Variants in TGFA observed in about 807,000 individuals in gnomAD.
TGFA encodes the protein transforming growth factor alpha.
TGFA carries 12 observed loss-of-function variants against 21.7 expected under a neutral mutation model. The observed-to-expected ratio is 0.55, with a 90% CI of 0.35 to 0.90. The LOEUF is 0.90. TGFA is among the 40% of genes least tolerant of loss of function. The pLI is 0.01. For missense variants in TGFA, 178 were observed against 210.8 expected (o/e 0.84, Z 0.96); for synonymous variants, 79 against 88.1 (o/e 0.90, Z 0.58).
chr2:70,536,647 A>G (rs551815666), intron 1 of TGFA, among the ~76,000 whole-genome samples: 118 of 152,384 alleles, frequency 7.7e-4, no homozygotes, highest in African/African-American at 2.7e-3. Context: ...ATTTTGAACT[A>G]AATGAAAAGA....
At chr2:70,526,428 A>G (rs1672637478) in intron 1 of TGFA, among the ~76,000 whole-genome samples, 2 of 152,136 alleles carry the variant, frequency 1.3e-5, no homozygotes, top group Non-Finnish European at 2.9e-5. Context: ...CCCCTAATGT[A>G]TCTCCCTCAG....
intron 3 of TGFA, among the ~76,000 whole-genome samples, chr2:70,460,493 A>C (rs1249779555): frequency 4.6e-5 from 7 of 152,082 alleles, no homozygotes; most frequent in African/African-American, 1.7e-4. Context: ...CTGCAAATGA[A>C]TCACACTTGA....
intron 5 of TGFA, among the ~76,000 whole-genome samples, chr2:70,451,097 G>GTGAA (rs1670041805): frequency 1.3e-5 from 2 of 151,740 alleles, no homozygotes; most frequent in Middle Eastern, 3.2e-3. Context: ...GAGTGAGTGA[G>GTGAA]TGAGTGATAG....
chr2:70,467,849 A>G (rs1349883230), intron 2 of TGFA, among the ~76,000 whole-genome samples: 1 of 152,238 alleles, frequency 6.6e-6, no homozygotes, highest in African/African-American at 2.4e-5. Flanking sequence ...CAGAGGCTAA[A>G]AATACAACAG....
Position 70,465,222 on chromosome 2 carries a change from G to A in TGFA, c.215+394C>T, listed in dbSNP as rs11466251. Reference sequence around the variant, plus strand: ...GATTGTGAAGATGCTAGAGGGCAGAGACCACATCTTAGAGACTTTGGCCAC... The same window carrying A: ...GATTGTGAAGATGCTAGAGGGCAGAAACCACATCTTAGAGACTTTGGCCAC... On this transcript the variant is annotated intron_variant, in intron 3 of 5. Coordinates refer to ENST00000295400, the MANE Select transcript of TGFA (RefSeq NM_003236.4). Among the ~76,000 whole-genome samples the A allele has an allele frequency of 9.5e-3, 1,445 of 152,322 alleles. 28 individuals are homozygous for A. The highest frequency in any genetic ancestry group is 0.033 in the African/African-American group (1,383 of 41,560).
intron 2 of TGFA, among the ~76,000 whole-genome samples, chr2:70,487,415 T>G (rs1671301246): frequency 6.6e-6 from 1 of 152,252 alleles, no homozygotes; most frequent in Non-Finnish European, 1.5e-5. Context: ...TGAGATATCC[T>G]GGGGATGGGA....
intron 2 of TGFA, among the ~76,000 whole-genome samples, chr2:70,491,193 G>A (rs782631021): frequency 1.3e-5 from 2 of 152,240 alleles, no homozygotes; most frequent in Non-Finnish European, 2.9e-5. Flanking sequence ...TGAGGACAAT[G>A]AGTGGAGGTT....
intron 2 of TGFA, among the ~76,000 whole-genome samples, chr2:70,510,414 G>A (rs1371893044): frequency 6.6e-6 from 1 of 152,142 alleles, no homozygotes; most frequent in Non-Finnish European, 1.5e-5. Flanking sequence ...CCCCACCCTG[G>A]CTCTCCAAGT....
chr2:70,516,572 T>C (rs1227287445), intron 1 of TGFA, among the ~76,000 whole-genome samples: 1 of 152,104 alleles, frequency 6.6e-6, no homozygotes, highest in Non-Finnish European at 1.5e-5. Context: ...AGTAAAATCA[T>C]GCATGTCTTC....
At chr2:70,482,189 T>A (rs1025488675) in intron 2 of TGFA, among the ~76,000 whole-genome samples, 4 of 152,166 alleles carry the variant, frequency 2.6e-5, no homozygotes, top group Non-Finnish European at 5.9e-5. Flanking sequence ...AAAACACATT[T>A]ACCAAATACG....
intron 1 of TGFA, among the ~76,000 whole-genome samples, chr2:70,527,836 T>C (rs1553503135): frequency 1.3e-5 from 2 of 152,236 alleles, no homozygotes; most frequent in Non-Finnish European, 2.9e-5. Flanking sequence ...GTTGGATGAC[T>C]TTACTCTGCA....
chr2:70,448,524 G>A lies in TGFA; in HGVS notation c.*2335C>T, dbSNP rs1669954198. 1 of 152,210 alleles carries A rather than the reference G, an allele frequency of 6.6e-6. No individual in the cohort carries two copies. The highest frequency in any genetic ancestry group is 1.5e-5 in the Non-Finnish European group (1 of 68,048). The allele number at this position is 152,210 out of a possible 1,614,324, so 9.4% of individuals were successfully genotyped here. Reference sequence around the variant, plus strand: ...AGATGCATTTTTAACTTGAAATGGAGTATTTTTGCAGCTAACCAAAGACTA... The same window carrying A: ...AGATGCATTTTTAACTTGAAATGGAATATTTTTGCAGCTAACCAAAGACTA... On this transcript the variant is annotated 3_prime_UTR_variant, in exon 6 of 6. Coordinates refer to ENST00000295400, the MANE Select transcript of TGFA (RefSeq NM_003236.4).
At chr2:70,511,103 T>G (rs544574565) in intron 2 of TGFA, among the ~76,000 whole-genome samples, 1 of 152,210 alleles carries the variant, frequency 6.6e-6, no homozygotes, top group Admixed American at 6.5e-5. Flanking sequence ...TCCATTAAAG[T>G]GTGTCGGCTT....
chr2:70,486,611 G>A (rs903578041), intron 2 of TGFA, among the ~76,000 whole-genome samples: 2 of 151,928 alleles, frequency 1.3e-5, no homozygotes, highest in Admixed American at 6.6e-5. Flanking sequence ...ACAGGTGCGC[G>A]CTACCACACC....
chr2:70,464,003 G>C (rs958320216), intron 3 of TGFA, among the ~76,000 whole-genome samples: 1 of 152,242 alleles, frequency 6.6e-6, no homozygotes, highest in Non-Finnish European at 1.5e-5. Context: ...GTGTTCCGAG[G>C]AGGAGGGTGG....
At chr2:70,526,534 C>G (rs1021456430) in intron 1 of TGFA, among the ~76,000 whole-genome samples, 1 of 152,138 alleles carries the variant, frequency 6.6e-6, no homozygotes, top group Non-Finnish European at 1.5e-5. Flanking sequence ...TTTATTGACT[C>G]GAGACAAACC....
intron 1 of TGFA, among the ~76,000 whole-genome samples, chr2:70,518,997 G>A (rs11466213): frequency 0.011 from 1,659 of 152,352 alleles, 36 homozygotes; most frequent in African/African-American, 0.038. Context: ...TCAGGGGGAT[G>A]TGGGAGGATG....
chr2:70,552,470 AC>A (rs1281147010), intron 1 of TGFA, among the ~76,000 whole-genome samples: 2 of 152,244 alleles, frequency 1.3e-5, no homozygotes, highest in African/African-American at 4.8e-5. Flanking sequence ...ATACATGCAC[AC>A]AAAAAAGGCA....
intron 1 of TGFA, among the ~76,000 whole-genome samples, chr2:70,548,460 T>C (rs1251616229): frequency 1.3e-5 from 2 of 152,234 alleles, no homozygotes; most frequent in Admixed American, 1.3e-4. Context: ...AATGGCAGCC[T>C]GGTTGTTACC....
Sources: gnomAD v4.1 joint callset for allele counts (sites outside exome capture counted in the v4.1 genomes callset) on GRCh38, gnomAD v4.1.1 for gene constraint, MANE v1.5 for transcripts, NCBI Gene and HGNC (gene_info 2026-07-23, HGNC 2026-07-21) for gene names.